Variants in SLC5A4 observed in about 807,000 individuals in gnomAD.
SLC5A4 encodes solute carrier family 5 member 4, also known as probable glucose sensor protein SLC5A4.
In SLC5A4, 55 loss-of-function variants were observed where a neutral mutation model predicts 70.3. That is an observed-to-expected ratio of 0.78 (90% CI 0.63 to 0.98). SLC5A4 has a LOEUF of 0.98. Ranked by LOEUF, SLC5A4 falls within the 50% of genes least tolerant of loss-of-function variation. The probability of loss-of-function intolerance (pLI) is 0.00; values close to 1 mark genes in which losing one functional copy is unlikely to be tolerated. For synonymous variants in SLC5A4, 268 were observed against 305.7 expected (o/e 0.88, Z 1.29); for missense variants, 735 against 839.2 (o/e 0.88, Z 1.53).
At position 32,239,076 on chromosome 22, in the gene SLC5A4, A is replaced by T; in HGVS notation, c.492T>A (p.Ala164=). Residue 164 remains alanine (A), a synonymous_variant, in exon 6 of 15, where the codon GCT becomes GCA. Transcript: ENST00000266086. The part of the protein sequence containing the change: ...VVLLISADIF[A]GAIFIKLALG... ...AGGCCAGCTTGATGAATATGGCTCC[A>T]GCAAATATGTCTGCCTAAAAAGGGA... 2 of 1,613,520 alleles carry T rather than the reference A, an allele frequency of 1.2e-6. No homozygotes were observed. Among genetic ancestry groups the T allele is most frequent in the Non-Finnish European group, 1.7e-6 (2 of 1,179,444 alleles).
the SLC5A4 span, among the ~76,000 whole-genome samples, chr22:32,329,821 G>GTA: frequency 3.2e-5 from 2 of 61,956 alleles, no homozygotes; most frequent in African/African-American, 8.3e-5. Context: ...GCTCTGGTGT[G>GTA]TGTGTTGGGG....
chr22:32,313,618 C>T, the SLC5A4 span, among the ~76,000 whole-genome samples: 1 of 152,180 alleles, frequency 6.6e-6, no homozygotes, highest in Non-Finnish European at 1.5e-5. Context: ...AGTCAAGTTG[C>T]AAACAAGACA....
the SLC5A4 span, among the ~76,000 whole-genome samples, chr22:32,324,254 T>TAC: frequency 7.7e-6 from 1 of 129,080 alleles, no homozygotes. Flanking sequence ...TGTGTATATA[T>TAC]ACACACATAT....
At chr22:32,287,854 T>C in the SLC5A4 span, among the ~76,000 whole-genome samples, 1 of 151,858 alleles carries the variant, frequency 6.6e-6, no homozygotes, top group Non-Finnish European at 1.5e-5. Flanking sequence ...AAAGTATTTA[T>C]TGCAGTTGTC....
the SLC5A4 span, among the ~76,000 whole-genome samples, chr22:32,349,099 C>T: frequency 2.1e-4 from 32 of 152,140 alleles, no homozygotes; most frequent in South Asian, 3.5e-3. Flanking sequence ...CTCAGCCTCC[C>T]GAGTAGCTGG....
chr22:32,274,835 A>C, the SLC5A4 span, among the ~76,000 whole-genome samples: 1 of 152,242 alleles, frequency 6.6e-6, no homozygotes, highest in African/African-American at 2.4e-5. Flanking sequence ...ACTTTCCATA[A>C]TGTGGTTACA....
the SLC5A4 span, among the ~76,000 whole-genome samples, chr22:32,336,949 G>A: frequency 4.3e-3 from 652 of 152,304 alleles, 2 homozygotes; most frequent in Non-Finnish European, 6.6e-3. Context: ...ATCTTGTCTG[G>A]GCTGCATCCA....
At chr22:32,352,472 C>T in the SLC5A4 span, among the ~76,000 whole-genome samples, 8 of 151,926 alleles carry the variant, frequency 5.3e-5, no homozygotes, top group African/African-American at 1.9e-4. Flanking sequence ...CAAATAGTTA[C>T]CCCCCAAACT....
the SLC5A4 span, among the ~76,000 whole-genome samples, chr22:32,344,503 G>A: frequency 6.6e-6 from 1 of 151,974 alleles, no homozygotes; most frequent in Non-Finnish European, 1.5e-5. Context: ...CTAAGTAACT[G>A]TCTCTTATGC....
the SLC5A4 span, among the ~76,000 whole-genome samples, chr22:32,326,924 G>C: frequency 1.3e-5 from 2 of 152,180 alleles, no homozygotes; most frequent in Admixed American, 1.3e-4. Context: ...GGGTGCCTCT[G>C]GGAACTGGAG....
At chr22:32,250,677 T>G (rs1927086968) in intron 3 of SLC5A4, among the ~76,000 whole-genome samples, 1 of 152,108 alleles carries the variant, frequency 6.6e-6, no homozygotes, top group South Asian at 2.1e-4. Flanking sequence ...GCAGCACTAT[T>G]TACAATAGCA....
At chr22:32,239,160 C>T (rs1408117733) in intron 5 of SLC5A4, 70 bp from the exon 6 acceptor site, 8 of 1,072,370 alleles carry the variant, frequency 7.5e-6, no homozygotes, top group Non-Finnish European at 1.1e-5. Flanking sequence ...GCCCCAATGT[C>T]CACTCTACTC....
the SLC5A4 span, among the ~76,000 whole-genome samples, chr22:32,333,196 A>C: frequency 5.0e-3 from 686 of 136,574 alleles, 2 homozygotes; most frequent in East Asian, 0.02. Flanking sequence ...TAGCACTGGC[A>C]CCCCCCCCCC....
At chr22:32,338,986 G>A in the SLC5A4 span, among the ~76,000 whole-genome samples, 1 of 152,190 alleles carries the variant, frequency 6.6e-6, no homozygotes, top group African/African-American at 2.4e-5. Context: ...ATTACATGCA[G>A]TATAAATGCC....
chr22:32,254,668 G>A (rs1213313785), intron 1 of SLC5A4, among the ~76,000 whole-genome samples: 1 of 152,126 alleles, frequency 6.6e-6, no homozygotes, highest in East Asian at 1.9e-4. Context: ...GCCGGGCGTG[G>A]TGGCGCATGC....
intron 14 of SLC5A4, 52 bp from the exon 15 acceptor site, chr22:32,218,777 T>A: frequency 7.1e-7 from 1 of 1,400,994 alleles, no homozygotes; most frequent in Non-Finnish European, 1.0e-6. Context: ...ACAAAGGAAC[T>A]AGAAATCCTT....
At chr22:32,279,551 G>A in the SLC5A4 span, among the ~76,000 whole-genome samples, 2 of 152,100 alleles carry the variant, frequency 1.3e-5, no homozygotes, top group Non-Finnish European at 1.5e-5. Context: ...AGCACTTTGG[G>A]AGGCCGAGGT....
the SLC5A4 span, among the ~76,000 whole-genome samples, chr22:32,267,224 C>T: frequency 1.8e-4 from 27 of 152,160 alleles, no homozygotes; most frequent in South Asian, 1.5e-3. Flanking sequence ...CTGCTTATGA[C>T]GTCAGTAAAA....
chr22:32,329,333 C>CA, the SLC5A4 span, among the ~76,000 whole-genome samples: 2 of 152,296 alleles, frequency 1.3e-5, no homozygotes, highest in South Asian at 4.1e-4. Context: ...TGAGACACTG[C>CA]ATGTAACAAC....
Sources: gnomAD v4.1 joint callset for allele counts (sites outside exome capture counted in the v4.1 genomes callset) on GRCh38, gnomAD v4.1.1 for gene constraint, MANE v1.5 for transcripts, NCBI Gene and HGNC (gene_info 2026-07-23, HGNC 2026-07-21) for gene names.